The following AGBL1 variants were observed in gnomAD, a reference collection of about 807,000 sequenced individuals.
AGBL1 encodes the protein AGBL carboxypeptidase 1, also known as cytosolic carboxypeptidase 4.
A neutral mutation model predicts 118.9 loss-of-function variants in AGBL1; 130 were observed. That is an observed-to-expected ratio of 1.09 (90% confidence interval 0.95 to 1.26). AGBL1 has a LOEUF of 1.26. Among genes scored for constraint, AGBL1 ranks in the 50% most tolerant of loss-of-function variants. The pLI is 0.00. For missense variants in AGBL1, 1,584 were observed against 1,298.1 expected, an observed-to-expected ratio of 1.22 and a Z score of -3.38; for synonymous variants, 555 against 478.9, an observed-to-expected ratio of 1.16 and a Z score of -2.08.
chr15:86,342,659 C>A (rs2080478609), intron 17 of AGBL1, among the ~76,000 whole-genome samples: 1 of 152,078 alleles, frequency 6.6e-6, no homozygotes, highest in African/African-American at 2.4e-5. Context: ...GACTTTAGAT[C>A]TCCGATCTGC....
chr15:86,636,892 A>G (rs531392138), intron 21 of AGBL1, among the ~76,000 whole-genome samples: 4 of 151,260 alleles, frequency 2.6e-5, no homozygotes, highest in African/African-American at 9.7e-5. Flanking sequence ...TATCAGTGCC[A>G]ATTATATATA....
At chr15:86,846,039 C>T (rs866616304) in intron 22 of AGBL1, among the ~76,000 whole-genome samples, 1 of 152,146 alleles carries the variant, frequency 6.6e-6, no homozygotes, top group South Asian at 2.1e-4. Context: ...GCCAATAAAA[C>T]TCTCTTTTCT....
At chr15:86,749,699 A>C (rs1372909808) in intron 22 of AGBL1, among the ~76,000 whole-genome samples, 1 of 152,168 alleles carries the variant, frequency 6.6e-6, no homozygotes, top group East Asian at 1.9e-4. Context: ...TACCTAATTT[A>C]TTGAGAGTTT....
At chr15:86,402,438 G>A (rs2081462834) in intron 18 of AGBL1, among the ~76,000 whole-genome samples, 1 of 152,014 alleles carries the variant, frequency 6.6e-6, no homozygotes, top group Admixed American at 6.6e-5. Flanking sequence ...AGATTTGGAT[G>A]CCCTTTATTT....
intron 22 of AGBL1, among the ~76,000 whole-genome samples, chr15:86,721,518 C>T (rs2086720792): frequency 6.6e-6 from 1 of 151,926 alleles, no homozygotes; most frequent in Non-Finnish European, 1.5e-5. Flanking sequence ...TAAGAGCTAT[C>T]TATATCTATG....
At chr15:86,266,808 G>C (rs1046557714) in intron 12 of AGBL1, among the ~76,000 whole-genome samples, 182 bp from the exon 13 acceptor site, 3 of 152,214 alleles carry the variant, frequency 2.0e-5, no homozygotes, top group African/African-American at 7.2e-5. Flanking sequence ...GGCTGAGGCA[G>C]GAGAAGCGCT....
chr15:86,674,590 A>G (rs1396242726), intron 22 of AGBL1, among the ~76,000 whole-genome samples, 154 bp downstream of exon 22: 1 of 152,184 alleles, frequency 6.6e-6, no homozygotes, highest in African/African-American at 2.4e-5. Context: ...CTCGTTTCCT[A>G]CTGATGAAAA....
intron 24 of AGBL1, among the ~76,000 whole-genome samples, chr15:87,006,723 CAGT>C: frequency 6.6e-6 from 1 of 152,130 alleles, no homozygotes; most frequent in Non-Finnish European, 1.5e-5. Context: ...GAGATGAACC[CAGT>C]ACTTCAGTTG....
At chr15:87,003,357 A>G (rs559876240) in intron 24 of AGBL1, among the ~76,000 whole-genome samples, 4 of 150,374 alleles carry the variant, frequency 2.7e-5, no homozygotes, top group Non-Finnish European at 5.9e-5. Context: ...AAGGTTTTTG[A>G]TGTGCTGCTG....
intron 24 of AGBL1, among the ~76,000 whole-genome samples, chr15:87,007,477 G>A (rs572562564): frequency 6.6e-6 from 1 of 151,974 alleles, no homozygotes; most frequent in Non-Finnish European, 1.5e-5. Context: ...GTTCAATATT[G>A]GTATTTCTGA....
chr15:86,343,117 C>T (rs924102436), intron 17 of AGBL1, among the ~76,000 whole-genome samples: 5 of 152,098 alleles, frequency 3.3e-5, no homozygotes, highest in African/African-American at 9.7e-5. Flanking sequence ...TGTTACCCAC[C>T]TCCCCAGTAT....
chr15:86,990,619 A>G (rs1451129989), intron 24 of AGBL1, among the ~76,000 whole-genome samples: 2 of 152,228 alleles, frequency 1.3e-5, no homozygotes, highest in Non-Finnish European at 2.9e-5. Flanking sequence ...TCTTCTAAGA[A>G]TTTCATAAAT....
At chr15:86,532,635 A>G (rs937947494) in intron 19 of AGBL1, among the ~76,000 whole-genome samples, 10 of 149,590 alleles carry the variant, frequency 6.7e-5, no homozygotes, top group Non-Finnish European at 1.3e-4. Flanking sequence ...GGAACCAAAA[A>G]AGAGCCCGCA....
intron 22 of AGBL1, among the ~76,000 whole-genome samples, chr15:86,792,926 C>T (rs1244221572): frequency 8.6e-5 from 13 of 151,878 alleles, no homozygotes; most frequent in Admixed American, 8.5e-4. Context: ...ATTGTCAAGT[C>T]AGTCCCATTC....
At chr15:86,351,427 C>T (rs1205027231) in intron 17 of AGBL1, among the ~76,000 whole-genome samples, 1 of 152,084 alleles carries the variant, frequency 6.6e-6, no homozygotes. Context: ...ATGATAGTAC[C>T]TGCTATCCAA....
intron 24 of AGBL1, among the ~76,000 whole-genome samples, chr15:87,014,087 T>C (rs2141787482): frequency 1.3e-5 from 2 of 152,362 alleles, no homozygotes; most frequent in East Asian, 3.9e-4. Context: ...TTATTTCTTG[T>C]ATTAATTCCA....
intron 18 of AGBL1, among the ~76,000 whole-genome samples, chr15:86,496,857 T>C (rs565957239): frequency 3.3e-5 from 5 of 152,176 alleles, no homozygotes; most frequent in African/African-American, 9.6e-5. Context: ...AGAGCATTAA[T>C]GCATTTTAAA....
In AGBL1 at chr15:86,674,269, G is replaced by T. The variant is rs566649650; in HGVS notation, c.2995-4G>T. ...CCACAGTTAATGCTTTGTTTAACTG[G>T]CAGGGTCTACAGTTTGGTACCAGAG... On this transcript the variant is annotated splice_region_variant and splice_polypyrimidine_tract_variant and intron_variant, in intron 21 of 22. Transcript: ENST00000614907. The T allele has an allele frequency of 1.2e-6, 2 of 1,605,786 alleles. No homozygotes were observed. Among genetic ancestry groups the T allele is most frequent in the Admixed American group, 3.4e-5 (2 of 59,304 alleles).
intron 22 of AGBL1, among the ~76,000 whole-genome samples, chr15:86,886,877 C>A (rs970535806): frequency 1.3e-5 from 2 of 152,024 alleles, no homozygotes; most frequent in Non-Finnish European, 2.9e-5. Flanking sequence ...AAAACTCAGA[C>A]GAAGAAATAA....
Sources: allele counts gnomAD v4.1 joint callset (sites outside exome capture counted in the v4.1 genomes callset), GRCh38; gene constraint gnomAD v4.1.1; transcripts MANE v1.5; gene names NCBI Gene and HGNC (gene_info 2026-07-23, HGNC 2026-07-21).